The following CDH23 variants were observed in gnomAD, a reference collection of about 807,000 sequenced individuals.
CDH23 encodes the protein cadherin related 23, also known as cadherin-23.
In CDH23, 189 loss-of-function variants were observed where a neutral mutation model predicts 317.1. That is an observed-to-expected ratio of 0.60 (90% confidence interval 0.53 to 0.67). The LOEUF (loss-of-function observed/expected upper bound fraction) is 0.67, where lower values mean the gene tolerates loss of function less well. Ranked by LOEUF, CDH23 falls within the 30% of genes least tolerant of loss-of-function variation. The pLI, the probability that CDH23 is intolerant of heterozygous loss-of-function variation, is 0.00. For missense variants in CDH23, 4,401 were observed against 4,592.4 expected (o/e 0.96, Z 1.20); for synonymous variants, 1,839 against 1,876.8 (o/e 0.98, Z 0.52).
intron 14 of CDH23, chr10:71,647,100 T>C (rs1564708144): frequency 2.0e-6 from 2 of 984,802 alleles, no homozygotes; most frequent in Non-Finnish European, 2.4e-6. Context: ...TCAGTACTCT[T>C]GGTTGCAAGG....
In CDH23 at chr10:71,456,583, A is replaced by G. The variant is rs1177903079; in HGVS notation, c.145+10188A>G. ...ATGCGGCCATAATAACACTAATGAT[A>G]ATGATGATGTGCCACCTGTCGTGTG... On this transcript the variant is annotated intron_variant, in intron 3 of 69. Transcript: ENST00000224721. 1.3e-5 allele frequency among the ~76,000 whole-genome samples: 2 copies of G among 152,076 alleles called. 1 individual carries two copies.
At chr10:71,644,701 C>A (rs1862742992) in intron 12 of CDH23, among the ~76,000 whole-genome samples, 2 of 152,206 alleles carry the variant, frequency 1.3e-5, no homozygotes, top group Admixed American at 6.5e-5. Context: ...GCTTCCCTTG[C>A]CAGCCACTGG....
rs1283288530 is a variant in CDH23, at chr10:71,797,202, T to C, written c.6811T>C (p.Ser2271Pro). Residue 2271 changes from serine (S) to proline (P), a missense_variant, in exon 49 of 70, where the codon TCT becomes CCT. Coordinates refer to ENST00000224721, the MANE Select transcript of CDH23 (RefSeq NM_022124.6). ...CAATGCCAGCGACCTACCAGAGCGCTCTGTCAGTGTGCCAAATGGTAAGGT... is the reference window on the plus strand; with the variant it reads ...CAATGCCAGCGACCTACCAGAGCGCCCTGTCAGTGTGCCAAATGGTAAGGT... ...IDNASDLPER[S>P]VSVPNAKLTV... The C allele has an allele frequency of 1.2e-6, 2 of 1,612,294 alleles. No individual in the cohort carries two copies. Among genetic ancestry groups the C allele is most frequent in the South Asian group, 2.2e-5 (2 of 90,698 alleles).
chr10:71,789,191 A>G (rs1181393922), intron 45 of CDH23, 149 bp downstream of exon 45: 2 of 584,882 alleles, frequency 3.4e-6, no homozygotes, highest in Non-Finnish European at 6.1e-6. Flanking sequence ...GCTCCGGGAG[A>G]TGGTGGGCTG....
intron 6 of CDH23, chr10:71,512,120 A>G (rs1276036810): frequency 6.6e-6 from 1 of 152,242 alleles, no homozygotes; most frequent in African/African-American, 2.4e-5. Context: ...CAGTTCATGG[A>G]TGAGGCTGGG....
chr10:71,695,188 C>T (rs1865335757), intron 21 of CDH23, among the ~76,000 whole-genome samples: 1 of 152,214 alleles, frequency 6.6e-6, no homozygotes, highest in Non-Finnish European at 1.5e-5. Context: ...CTTATCACAT[C>T]CATTCCACTG....
intron 30 of CDH23, among the ~76,000 whole-genome samples, chr10:71,726,469 A>T (rs563234899): frequency 3.9e-4 from 60 of 152,238 alleles, no homozygotes; most frequent in African/African-American, 1.4e-3. Context: ...CTCAGCCCTG[A>T]CCCAGCTCCT....
At chr10:71,565,991 G>A (rs1857374943) in intron 6 of CDH23, among the ~76,000 whole-genome samples, 1 of 152,154 alleles carries the variant, frequency 6.6e-6, no homozygotes. Context: ...CCAGAGGTGT[G>A]AGGGAGCCTG....
rs190672679 is a variant in CDH23, at chr10:71,807,707, G to A, written c.8500G>A (p.Val2834Ile). The A allele has an allele frequency of 1.6e-5, 26 of 1,612,352 alleles. No homozygotes were observed. Among genetic ancestry groups the A allele is most frequent in the Middle Eastern group, 1.6e-4 (1 of 6,062 alleles). The change falls in exon 59 of 70, where the codon GTT becomes ATT. Residue 2834 changes from valine to isoleucine, a missense_variant. Transcript: ENST00000224721. ...VADLTLQEVR[V>I]VLEDINDQPP... ...TGACCTCACACTGCAGGAGGTGCGC[G>A]TTGTGCTAGAGGACATCAACGACCA... is the stretch of plus-strand genomic sequence containing the variant.
Position 71,778,267 on chromosome 10 carries a change from C to A in CDH23, c.5146C>A (p.Gln1716Lys), listed in dbSNP as rs369740230. ...RYTLIVTATD[Q>K]CPILSHRLTS... is the part of the protein sequence containing the mutation. The stretch of plus-strand genomic sequence containing the variant: ...CACCCTGATCGTCACTGCCACAGAC[C>A]AGTGCCCCATCTTATCCCACCGCCT... The change falls in exon 40 of 70, where the codon CAG becomes AAG. Residue 1716 changes from glutamine to lysine, a missense_variant. Physicochemically the swap from Gln to Lys is moderately conservative, Grantham distance 53. This residue lies in a region of CDH23 where 3,068 missense variants were observed against 3,203.3 expected (regional missense o/e 0.96). Coordinates refer to ENST00000224721, the MANE Select transcript of CDH23 (RefSeq NM_022124.6). 41 of 1,613,984 alleles carry A rather than the reference C, an allele frequency of 2.5e-5. 1 individual carries two copies. The highest frequency in any genetic ancestry group is 1.2e-4 in the Admixed American group (7 of 60,020).
chr10:71,657,292 G>A (rs981681986), intron 14 of CDH23, among the ~76,000 whole-genome samples: 6 of 152,238 alleles, frequency 3.9e-5, no homozygotes, highest in Admixed American at 3.9e-4. Context: ...ACTATAAAAT[G>A]GGAAGAGTAA....
At chr10:71,465,527 C>T (rs1406297046) in intron 3 of CDH23, among the ~76,000 whole-genome samples, 1 of 152,234 alleles carries the variant, frequency 6.6e-6, no homozygotes, top group African/African-American at 2.4e-5. Flanking sequence ...CGAGTGCCAC[C>T]GAGTGGTCTG....
intron 24 of CDH23, among the ~76,000 whole-genome samples, chr10:71,704,364 C>A (rs1315250298): frequency 3.3e-5 from 5 of 152,280 alleles, no homozygotes; most frequent in Admixed American, 2.0e-4. Context: ...TGGGAGGAGG[C>A]TTGCCTGTGC....
intron 3 of CDH23, among the ~76,000 whole-genome samples, chr10:71,485,103 G>A (rs367975394): frequency 2.6e-4 from 39 of 149,538 alleles, no homozygotes; most frequent in African/African-American, 8.1e-4. Flanking sequence ...CTCGGCTTAC[G>A]GCAACCTCCG....
At chr10:71,756,000 C>T (rs1840136373) in intron 38 of CDH23, among the ~76,000 whole-genome samples, 1 of 151,910 alleles carries the variant, frequency 6.6e-6, no homozygotes, top group Non-Finnish European at 1.5e-5. Flanking sequence ...GATAAAAAGC[C>T]CCAACTCATC....
chr10:71,531,180 G>A (rs1361290908), intron 6 of CDH23, among the ~76,000 whole-genome samples: 1 of 152,230 alleles, frequency 6.6e-6, no homozygotes, highest in African/African-American at 2.4e-5. Flanking sequence ...GGGCCCAGCA[G>A]CAGCAGCGTG....
intron 9 of CDH23, among the ~76,000 whole-genome samples, chr10:71,587,183 G>A (rs908302854): frequency 1.3e-5 from 2 of 152,220 alleles, no homozygotes; most frequent in Non-Finnish European, 2.9e-5. Context: ...GCAGATCCAG[G>A]ATTCAAACCT....
At chr10:71,745,483 G>A (rs1025166036) in intron 38 of CDH23, among the ~76,000 whole-genome samples, 3 of 152,130 alleles carry the variant, frequency 2.0e-5, no homozygotes, top group African/African-American at 4.8e-5. Flanking sequence ...CTCGCCATAA[G>A]AGCTGCTCCC....
intron 6 of CDH23, among the ~76,000 whole-genome samples, chr10:71,534,195 C>A (rs1407377020): frequency 1.3e-5 from 2 of 152,164 alleles, no homozygotes; most frequent in Non-Finnish European, 2.9e-5. Context: ...TTCCAGCCCA[C>A]CCCCGATCCA....
Sources: gnomAD v4.1 joint callset for allele counts (sites outside exome capture counted in the v4.1 genomes callset) on GRCh38, gnomAD v4.1.1 for gene constraint, gnomAD v4.1.1 regional missense constraint, MANE v1.5 for transcripts, NCBI Gene and HGNC (gene_info 2026-07-23, HGNC 2026-07-21) for gene names.